The following FBXL17 variants were observed in gnomAD, a reference collection of about 807,000 sequenced individuals.
FBXL17 encodes the protein F-box/LRR-repeat protein 17.
Under a neutral mutation model 66.2 loss-of-function variants are expected in FBXL17, and 22 were observed. The observed-to-expected ratio is 0.33, with a 90% CI of 0.24 to 0.47. FBXL17 has a LOEUF of 0.47. FBXL17 is among the 20% of genes least tolerant of loss of function. The probability of loss-of-function intolerance (pLI) is 1.00; values close to 1 mark genes in which losing one functional copy is unlikely to be tolerated. For missense variants in FBXL17, 878 were observed against 948.2 expected (o/e 0.93, Z 0.97); for synonymous variants, 474 against 400.5 (o/e 1.18, Z -2.19).
At chr5:108,218,984 G>A (rs995006568) in intron 5 of FBXL17, among the ~76,000 whole-genome samples, 1 of 152,012 alleles carries the variant, frequency 6.6e-6, no homozygotes, top group African/African-American at 2.4e-5. Context: ...TTGCTTTTCT[G>A]GGATAAACTC....
chr5:108,106,201 C>T (rs1580448686), intron 6 of FBXL17, among the ~76,000 whole-genome samples: 1 of 152,168 alleles, frequency 6.6e-6, no homozygotes, highest in Non-Finnish European at 1.5e-5. Flanking sequence ...GCAAGCAGGA[C>T]AGGTTTCTAG....
chr5:107,986,344 C>T (rs981113489), intron 7 of FBXL17, among the ~76,000 whole-genome samples: 6 of 150,946 alleles, frequency 4.0e-5, no homozygotes, highest in Admixed American at 6.6e-5. Flanking sequence ...TGATGCTAAC[C>T]CTAGCAAATT....
intron 4 of FBXL17, among the ~76,000 whole-genome samples, chr5:108,248,780 G>C (rs984593237): frequency 5.9e-5 from 9 of 152,066 alleles, no homozygotes; most frequent in Admixed American, 5.2e-4. Flanking sequence ...TAAGCCAGAT[G>C]GAAGTAGGGC....
intron 3 of FBXL17, among the ~76,000 whole-genome samples, chr5:108,355,952 CA>C (rs1252333850): frequency 6.6e-6 from 1 of 152,002 alleles, no homozygotes; most frequent in Non-Finnish European, 1.5e-5. Flanking sequence ...CAAAATGGAT[CA>C]AAAAACAAGA....
intron 5 of FBXL17, among the ~76,000 whole-genome samples, chr5:108,219,927 CCTT>C (rs1332301230): frequency 1.2e-4 from 8 of 66,098 alleles, no homozygotes; most frequent in African/African-American, 4.7e-4. Flanking sequence ...TTTACTATTT[CCTT>C]TTTTTTTTTT....
chr5:108,198,026 A>G (rs982952947), intron 5 of FBXL17, among the ~76,000 whole-genome samples: 10 of 152,280 alleles, frequency 6.6e-5, no homozygotes, highest in African/African-American at 2.4e-4. Context: ...GCTGTAGTGC[A>G]CAGGATGATA....
intron 6 of FBXL17, among the ~76,000 whole-genome samples, chr5:108,185,315 G>C (rs1561452878): frequency 1.3e-5 from 2 of 152,132 alleles, no homozygotes; most frequent in Admixed American, 1.3e-4. Context: ...GATCATGGGG[G>C]CAGATTTACC....
intron 6 of FBXL17, among the ~76,000 whole-genome samples, chr5:108,024,232 T>G (rs1269795265): frequency 6.6e-6 from 1 of 152,094 alleles, no homozygotes. Context: ...ATAAGATAAT[T>G]AAGAAAAATT....
At chr5:108,239,425 C>A (rs1755753566) in intron 4 of FBXL17, among the ~76,000 whole-genome samples, 1 of 152,154 alleles carries the variant, frequency 6.6e-6, no homozygotes, top group African/African-American at 2.4e-5. Context: ...GACTCTGTGA[C>A]CTTGCATTGG....
chr5:108,058,932 A>G (rs1236588981), intron 6 of FBXL17, among the ~76,000 whole-genome samples: 1 of 152,144 alleles, frequency 6.6e-6, no homozygotes, highest in Non-Finnish European at 1.5e-5. Flanking sequence ...AAGAGCCCAA[A>G]TCATCATTTC....
At chr5:107,896,562 G>GTTCTTGTCTATTTT (rs1366627562) in intron 7 of FBXL17, among the ~76,000 whole-genome samples, 5 of 152,082 alleles carry the variant, frequency 3.3e-5, no homozygotes, top group Admixed American at 3.3e-4. Flanking sequence ...ATCTCTTGCA[G>GTTCTTGTCTATTTT]TTCTTGTCTA....
chr5:108,014,908 A>G (rs1754322148), intron 7 of FBXL17, among the ~76,000 whole-genome samples: 1 of 152,196 alleles, frequency 6.6e-6, no homozygotes. Flanking sequence ...CCAAATGAAC[A>G]GGGGAAACCT....
intron 6 of FBXL17, among the ~76,000 whole-genome samples, chr5:108,171,968 G>T (rs1157198023): frequency 6.6e-6 from 1 of 152,188 alleles, no homozygotes; most frequent in Non-Finnish European, 1.5e-5. Context: ...TGCCATCCGT[G>T]TAAGACGTGA....
chr5:108,027,753 A>G (rs1453200799), intron 6 of FBXL17, among the ~76,000 whole-genome samples: 2 of 152,104 alleles, frequency 1.3e-5, no homozygotes, highest in Non-Finnish European at 2.9e-5. Context: ...CATTTCCTTT[A>G]GTCCTGTAAA....
intron 6 of FBXL17, among the ~76,000 whole-genome samples, chr5:108,097,109 C>T (rs762202124): frequency 6.6e-6 from 1 of 152,100 alleles, no homozygotes; most frequent in Non-Finnish European, 1.5e-5. Flanking sequence ...TTCTCCCATG[C>T]TGTTTTCATG....
At chr5:108,278,907 A>C (rs1342062571) in intron 4 of FBXL17, among the ~76,000 whole-genome samples, 1 of 152,166 alleles carries the variant, frequency 6.6e-6, no homozygotes, top group African/African-American at 2.4e-5. Flanking sequence ...CTTTGACAAG[A>C]CAGGGTAAGA....
chr5:108,338,068 T>C (rs1360571118), intron 4 of FBXL17, among the ~76,000 whole-genome samples: 3 of 152,034 alleles, frequency 2.0e-5, no homozygotes, highest in African/African-American at 7.2e-5. Context: ...TATATATTAG[T>C]GTCCTGCAAC....
chr5:108,075,718 C>A (rs927843643), intron 6 of FBXL17, among the ~76,000 whole-genome samples: 3 of 152,176 alleles, frequency 2.0e-5, no homozygotes, highest in African/African-American at 7.2e-5. Context: ...CTCAGGTGAT[C>A]TGCCCGCCTC....
chr5:108,293,470 C>T (rs1435969090), intron 4 of FBXL17, among the ~76,000 whole-genome samples: 1 of 152,028 alleles, frequency 6.6e-6, no homozygotes, highest in Non-Finnish European at 1.5e-5. Flanking sequence ...TATAATTTCC[C>T]TAAGTCTCTA....
Sources: allele counts gnomAD v4.1 joint callset (sites outside exome capture counted in the v4.1 genomes callset), GRCh38; gene constraint gnomAD v4.1.1; transcripts MANE v1.5; gene names NCBI Gene and HGNC (gene_info 2026-07-23, HGNC 2026-07-21).